The following ADK variants were observed in gnomAD, a reference collection of about 807,000 sequenced individuals.
The protein encoded by ADK is N6,N6-dimethyladenosine kinase.
A neutral mutation model predicts 44.7 loss-of-function variants in ADK; 24 were observed. That is an observed-to-expected ratio of 0.54 (90% CI 0.39 to 0.76). The LOEUF is 0.76. Ranked by LOEUF, ADK falls within the 30% of genes least tolerant of loss-of-function variation. ADK has a pLI of 0.00. For synonymous variants in ADK, 128 were observed against 142.6 expected (o/e 0.90, Z 0.73); for missense variants, 321 against 425.1 (o/e 0.76, Z 2.15).
At chr10:74,573,003 C>T (rs1851029586) in intron 7 of ADK, among the ~76,000 whole-genome samples, 1 of 152,220 alleles carries the variant, frequency 6.6e-6, no homozygotes, top group Non-Finnish European at 1.5e-5. Context: ...TCTCTCAACT[C>T]GTCAAAGTCA....
chr10:74,377,056 GT>G (rs1842840718), intron 4 of ADK, among the ~76,000 whole-genome samples: 2 of 152,174 alleles, frequency 1.3e-5, no homozygotes, highest in African/African-American at 4.8e-5. Flanking sequence ...ATATGTTCAG[GT>G]GTAGGTTTTT....
chr10:74,359,603 G>A (rs1312741438), intron 4 of ADK, among the ~76,000 whole-genome samples: 1 of 152,056 alleles, frequency 6.6e-6, no homozygotes, highest in Non-Finnish European at 1.5e-5. Context: ...CTGTCTACTT[G>A]GGAGGCTGAA....
chr10:74,221,135 C>CA (rs1844290542), intron 2 of ADK, among the ~76,000 whole-genome samples: 1 of 150,162 alleles, frequency 6.7e-6, no homozygotes. Flanking sequence ...TGTCTCAGCC[C>CA]AAAATCTCCT....
intron 6 of ADK, among the ~76,000 whole-genome samples, chr10:74,499,759 C>G (rs924857911): frequency 6.6e-6 from 1 of 152,008 alleles, no homozygotes; most frequent in Non-Finnish European, 1.5e-5. Flanking sequence ...TTACTTTTTG[C>G]TTTCACTGTC....
In ADK at chr10:74,651,120, G is replaced by C. The variant is rs77594379; in HGVS notation, c.878-19063G>C. Among the ~76,000 whole-genome samples, 123 of 152,200 alleles carry C rather than the reference G, an allele frequency of 8.1e-4. 1 individual carries two copies. The East Asian group carries it at 0.021, about 26-fold the overall frequency. ...GTGGGGAAATGGAGGCATCAGCTAGGGATAGTTTAGAACCAGTTCTAAATT... is the reference window on the plus strand; with the variant it reads ...GTGGGGAAATGGAGGCATCAGCTAGCGATAGTTTAGAACCAGTTCTAAATT... On this transcript the variant is annotated intron_variant, in intron 9 of 10. Coordinates refer to ENST00000539909, the MANE Select transcript of ADK (RefSeq NM_006721.4).
chr10:74,561,795 A>G (rs1850472230), intron 7 of ADK, among the ~76,000 whole-genome samples: 1 of 152,170 alleles, frequency 6.6e-6, no homozygotes, highest in Non-Finnish European at 1.5e-5. Flanking sequence ...GTCAAGAGGA[A>G]AGCAGGCTAG....
chr10:74,366,879 A>C (rs1842514531), intron 4 of ADK, among the ~76,000 whole-genome samples: 1 of 152,196 alleles, frequency 6.6e-6, no homozygotes. Flanking sequence ...ACAGTGAGCC[A>C]AGATTGTGCC....
chr10:74,690,453 A>G (rs1202481695), intron 10 of ADK, among the ~76,000 whole-genome samples: 1 of 152,192 alleles, frequency 6.6e-6, no homozygotes, highest in Non-Finnish European at 1.5e-5. Flanking sequence ...CTGAGATCAC[A>G]CCACTGTTCT....
At chr10:74,253,103 G>A (rs145990872) in intron 3 of ADK, among the ~76,000 whole-genome samples, 154 of 152,300 alleles carry the variant, frequency 1.0e-3, no homozygotes, top group African/African-American at 3.4e-3. Flanking sequence ...GGCTCAGCCC[G>A]TGAGGGTTCT....
chr10:74,242,022 AT>A (rs1219299530), intron 3 of ADK, among the ~76,000 whole-genome samples: 1 of 152,104 alleles, frequency 6.6e-6, no homozygotes, highest in Non-Finnish European at 1.5e-5. Context: ...TTTCTCTTAT[AT>A]GCTGGTTCAG....
chr10:74,561,899 C>T (rs960075126), intron 7 of ADK, among the ~76,000 whole-genome samples: 3 of 152,174 alleles, frequency 2.0e-5, no homozygotes, highest in Non-Finnish European at 4.4e-5. Context: ...TTGTAATTTT[C>T]TATAATGGAT....
At chr10:74,364,328 A>G (rs922841944) in intron 4 of ADK, among the ~76,000 whole-genome samples, 6 of 152,174 alleles carry the variant, frequency 3.9e-5, no homozygotes, top group Non-Finnish European at 8.8e-5. Flanking sequence ...CGCCTTATCT[A>G]TCCTCATTTC....
intron 3 of ADK, among the ~76,000 whole-genome samples, chr10:74,226,141 T>C (rs1215654680): frequency 6.6e-6 from 1 of 152,150 alleles, no homozygotes; most frequent in East Asian, 1.9e-4. Context: ...AGACTCTTGC[T>C]CCGTCACCTA....
intron 3 of ADK, among the ~76,000 whole-genome samples, chr10:74,310,837 C>T (rs1840410841): frequency 1.3e-5 from 2 of 152,058 alleles, no homozygotes; most frequent in Admixed American, 1.3e-4. Context: ...AGCCTCAACC[C>T]TGAATTTTTT....
intron 4 of ADK, chr10:74,371,640 C>A: frequency 1.0e-6 from 1 of 995,756 alleles, no homozygotes; most frequent in Non-Finnish European, 1.6e-6. Context: ...CCAGATGGAA[C>A]AGTACATCTC....
At chr10:74,341,215 A>C (rs1841570673) in intron 4 of ADK, among the ~76,000 whole-genome samples, 1 of 152,076 alleles carries the variant, frequency 6.6e-6, no homozygotes, top group Non-Finnish European at 1.5e-5. Flanking sequence ...GTTTATACTA[A>C]GGTTTCTTAC....
rs1483338587 is a variant in ADK at position 74,294,647 on chromosome 10, A to G, written c.195-20020A>G. Among the ~76,000 whole-genome samples the G allele has an allele frequency of 2.6e-5, 4 of 152,302 alleles. No individual in the cohort carries two copies. In the South Asian group the frequency reaches 6.2e-4, roughly 24 times the overall value. ...TCCAGTTTTTCCACTGTTATTTTCT[A>G]TCTTCAGACAAACAACTGTTTAGTT... On this transcript the variant is annotated intron_variant, in intron 3 of 10. Coordinates refer to ENST00000539909, the MANE Select transcript of ADK (RefSeq NM_006721.4).
chr10:74,178,966 T>A (rs533428615), intron 1 of ADK, among the ~76,000 whole-genome samples: 1 of 152,330 alleles, frequency 6.6e-6, no homozygotes. Flanking sequence ...AGAAACAATA[T>A]ACTATTTAAA....
chr10:74,547,291 A>G (rs1280237896), intron 7 of ADK, among the ~76,000 whole-genome samples: 1 of 151,678 alleles, frequency 6.6e-6, no homozygotes, highest in Non-Finnish European at 1.5e-5. Flanking sequence ...TTAACTTGTC[A>G]TGTTTCTTTG....
Sources: allele counts gnomAD v4.1 joint callset (sites outside exome capture counted in the v4.1 genomes callset), GRCh38; gene constraint gnomAD v4.1.1; transcripts MANE v1.5; gene names NCBI Gene and HGNC (gene_info 2026-07-23, HGNC 2026-07-21).